The following ELMO1 variants were observed in gnomAD, a reference collection of about 807,000 sequenced individuals.
The protein encoded by ELMO1 is engulfment and cell motility protein 1.
Under a neutral mutation model 98.9 loss-of-function variants are expected in ELMO1, and 26 were observed. The ratio of observed to expected loss-of-function variants is 0.26; its 90% CI spans 0.19 to 0.36. ELMO1 has a LOEUF of 0.36. ELMO1 is among the 10% of genes least tolerant of loss of function. ELMO1 has a pLI of 1.00. For synonymous variants in ELMO1, 346 were observed against 346.0 expected (o/e 1.00, Z 0.00); for missense variants, 627 against 935.2 (o/e 0.67, Z 4.30).
intron 3 of ELMO1, among the ~76,000 whole-genome samples, chr7:37,315,403 T>C (rs899039958): frequency 1.3e-5 from 2 of 152,216 alleles, no homozygotes; most frequent in African/African-American, 4.8e-5. Flanking sequence ...ACAACTATTT[T>C]CACAGTTCTG....
chr7:36,873,314 A>C (rs1271609898), intron 19 of ELMO1, among the ~76,000 whole-genome samples: 1 of 152,170 alleles, frequency 6.6e-6, no homozygotes, highest in African/African-American at 2.4e-5. Context: ...CTACACTCTA[A>C]GGAGGCTGCA....
intron 13 of ELMO1, among the ~76,000 whole-genome samples, chr7:37,166,136 G>A (rs1287990755): frequency 6.6e-6 from 1 of 152,186 alleles, no homozygotes; most frequent in African/African-American, 2.4e-5. Flanking sequence ...AGAGGTGTTT[G>A]TAGTAATCTC....
chr7:37,371,673 G>T (rs1802120460), intron 1 of ELMO1, among the ~76,000 whole-genome samples: 1 of 152,108 alleles, frequency 6.6e-6, no homozygotes. Context: ...AAAGAAGTCA[G>T]GCGCACATTT....
chr7:37,040,978 G>A (rs2129194918), intron 15 of ELMO1, among the ~76,000 whole-genome samples: 1 of 152,302 alleles, frequency 6.6e-6, no homozygotes, highest in South Asian at 2.1e-4. Context: ...TGCTCAGGAG[G>A]CAGAGGCAGA....
chr7:37,105,727 G>A (rs1784907415), intron 14 of ELMO1, among the ~76,000 whole-genome samples: 1 of 152,112 alleles, frequency 6.6e-6, no homozygotes, highest in Non-Finnish European at 1.5e-5. Context: ...TTAAAGACAT[G>A]CAAAGCAATG....
intron 6 of ELMO1, among the ~76,000 whole-genome samples, chr7:37,256,538 G>A (rs1266168246): frequency 7.7e-6 from 1 of 129,952 alleles, no homozygotes; most frequent in East Asian, 2.3e-4. Flanking sequence ...AAGGAAGGAA[G>A]GAAAGAAGGA....
At chr7:37,438,431 CA>C (rs543852959) in intron 1 of ELMO1, among the ~76,000 whole-genome samples, 60,026 of 122,390 alleles carry the variant, frequency 0.49, 13,807 homozygotes, top group Admixed American at 0.56. Flanking sequence ...ACTAAAAATA[CA>C]AAAAAAAAAA....
At chr7:37,081,018 G>T (rs1251604998) in intron 15 of ELMO1, among the ~76,000 whole-genome samples, 3 of 151,964 alleles carry the variant, frequency 2.0e-5, no homozygotes, top group Admixed American at 2.0e-4. Context: ...TTCACCATAT[G>T]ACATACTTCT....
intron 14 of ELMO1, among the ~76,000 whole-genome samples, chr7:37,119,719 T>A (rs1056344112): frequency 3.9e-5 from 6 of 152,246 alleles, no homozygotes; most frequent in African/African-American, 1.4e-4. Context: ...GTCTTCTGAT[T>A]TGGCATAATA....
At chr7:37,073,721 G>T (rs1346783237) in intron 15 of ELMO1, among the ~76,000 whole-genome samples, 1 of 151,794 alleles carries the variant, frequency 6.6e-6, no homozygotes, top group African/African-American at 2.4e-5. Flanking sequence ...TCTGTGCTAG[G>T]ACTACAGACA....
At chr7:37,000,921 A>ATATATG (rs968091949) in intron 16 of ELMO1, among the ~76,000 whole-genome samples, 2 of 145,976 alleles carry the variant, frequency 1.4e-5, no homozygotes, top group African/African-American at 5.3e-5. Flanking sequence ...ATATACATAT[A>ATATATG]TATATGTATA....
At chr7:37,298,046 GTGTAAA>G (rs1798136764) in intron 4 of ELMO1, among the ~76,000 whole-genome samples, 1 of 152,054 alleles carries the variant, frequency 6.6e-6, no homozygotes, top group South Asian at 2.1e-4. Context: ...TGCCTAATCT[GTGTAAA>G]TGTTTTTTGA....
At chr7:37,034,706 T>C (rs756026957) in intron 15 of ELMO1, among the ~76,000 whole-genome samples, 72 of 152,128 alleles carry the variant, frequency 4.7e-4, no homozygotes, top group Admixed American at 9.2e-4. Context: ...GGGATGTTGT[T>C]TGGGGGCAAG....
In ELMO1 at chr7:37,164,834, T is replaced by A. The variant is rs554754042; in HGVS notation, c.1087-31600A>T. 8.9e-4 allele frequency among the ~76,000 whole-genome samples: 134 copies of A among 150,592 alleles called. 1 individual carries two copies. Among genetic ancestry groups the A allele is most frequent in the African/African-American group, 2.9e-3 (121 of 41,202 alleles). On this transcript the variant is annotated intron_variant, in intron 13 of 21. Coordinates refer to ENST00000310758, the MANE Select transcript of ELMO1 (RefSeq NM_014800.11). ...TTGGCAATGCGGGCTCTTTTTTGGT[T>A]CCATATGAACTTTAAAGTAGTTTTT...
intron 6 of ELMO1, among the ~76,000 whole-genome samples, chr7:37,256,978 T>C (rs150413020): frequency 6.6e-6 from 1 of 152,348 alleles, no homozygotes; most frequent in Non-Finnish European, 1.5e-5. Context: ...CTTTATTAGC[T>C]TAGCATATTC....
intron 13 of ELMO1, among the ~76,000 whole-genome samples, chr7:37,188,510 T>TAAA (rs1791381999): frequency 8.5e-6 from 1 of 117,820 alleles, no homozygotes; most frequent in Non-Finnish European, 1.8e-5. Context: ...AAAATAATAA[T>TAAA]AATAATAATA....
chr7:37,258,626 A>T (rs1437233330), intron 6 of ELMO1, among the ~76,000 whole-genome samples: 2 of 152,206 alleles, frequency 1.3e-5, no homozygotes, highest in African/African-American at 2.4e-5. Context: ...GGTAGTTAAT[A>T]CATGTTGACT....
intron 18 of ELMO1, 23 bp from the exon 19 acceptor site, chr7:36,878,140 A>G: frequency 6.4e-7 from 1 of 1,570,554 alleles, no homozygotes; most frequent in Middle Eastern, 1.7e-4. Flanking sequence ...ACACAAGTTT[A>G]CAAGGTAAGT....
chr7:37,110,381 A>G (rs991113375), intron 14 of ELMO1, among the ~76,000 whole-genome samples: 12 of 152,134 alleles, frequency 7.9e-5, no homozygotes, highest in African/African-American at 2.9e-4. Context: ...AGGTCCTCAC[A>G]TCTGCACCTG....
Sources: gnomAD v4.1 joint callset for allele counts (sites outside exome capture counted in the v4.1 genomes callset) on GRCh38, gnomAD v4.1.1 for gene constraint, MANE v1.5 for transcripts, NCBI Gene and HGNC (gene_info 2026-07-23, HGNC 2026-07-21) for gene names.